The following TMEM132C variants were observed in gnomAD, a reference collection of about 807,000 sequenced individuals.
TMEM132C encodes the protein protein phosphatase 1, regulatory subunit 152.
In TMEM132C, 29 loss-of-function variants were observed where a neutral mutation model predicts 61.4. The observed-to-expected ratio is 0.47, with a 90% CI of 0.35 to 0.64. The LOEUF (loss-of-function observed/expected upper bound fraction) is 0.64, where lower values mean the gene tolerates loss of function less well. TMEM132C is among the 30% of genes least tolerant of loss of function. TMEM132C has a pLI of 0.00. For synonymous variants in TMEM132C, 656 were observed against 633.1 expected, an observed-to-expected ratio of 1.04 and a Z score of -0.54; for missense variants, 1,408 against 1,476.9, an observed-to-expected ratio of 0.95 and a Z score of 0.76.
intron 4 of TMEM132C, among the ~76,000 whole-genome samples, chr12:128,666,057 G>C (rs1312069681): frequency 8.4e-5 from 6 of 71,270 alleles, no homozygotes; most frequent in Non-Finnish European, 1.4e-4. Flanking sequence ...ACAAACACAG[G>C]CACTCATACA....
At chr12:128,582,846 C>T (rs1210911032) in intron 3 of TMEM132C, among the ~76,000 whole-genome samples, 1 of 152,138 alleles carries the variant, frequency 6.6e-6, no homozygotes, top group African/African-American at 2.4e-5. Context: ...AAAATCTTAG[C>T]TCACTGCAGC....
chr12:128,443,637 C>T (rs547947386), intron 2 of TMEM132C, among the ~76,000 whole-genome samples: 6 of 152,128 alleles, frequency 3.9e-5, no homozygotes, highest in Admixed American at 1.3e-4. Context: ...TAAAGTCTCT[C>T]TCTGGATGGC....
intron 1 of TMEM132C, among the ~76,000 whole-genome samples, chr12:128,272,867 T>TA (rs1376178968): frequency 1.3e-5 from 2 of 152,220 alleles, no homozygotes; most frequent in Non-Finnish European, 2.9e-5. Context: ...ATTTTCCTGT[T>TA]ACGATTTTTG....
At chr12:128,298,181 T>C (rs1871469563) in intron 1 of TMEM132C, among the ~76,000 whole-genome samples, 1 of 152,202 alleles carries the variant, frequency 6.6e-6, no homozygotes. Flanking sequence ...AATCATGTTA[T>C]TCCCTTGCTT....
chr12:128,475,046 G>A (rs181320402), intron 2 of TMEM132C, among the ~76,000 whole-genome samples: 10,975 of 152,182 alleles, frequency 0.072, 446 homozygotes, highest in Middle Eastern at 0.11. Context: ...AAGGGAACGA[G>A]GCAGGGACGT....
Position 128,691,663 on chromosome 12 carries a change from C to T in TMEM132C, c.1450-2166C>T, listed in dbSNP as rs533749349. ...ATTTATCCACCAGCCATTCACTTGT[C>T]CACCCATCCATTCATGTGTCTGTCC... On this transcript the variant is annotated intron_variant, in intron 5 of 8. Coordinates refer to ENST00000435159, the MANE Select transcript of TMEM132C (RefSeq NM_001136103.3). Among the ~76,000 whole-genome samples, 4 of 152,348 alleles carry T rather than the reference C, an allele frequency of 2.6e-5. No homozygotes were observed. In the South Asian group the frequency reaches 8.3e-4, roughly 32 times the overall value.
At chr12:128,336,403 A>C (rs1017885130) in intron 1 of TMEM132C, among the ~76,000 whole-genome samples, 25 of 152,192 alleles carry the variant, frequency 1.6e-4, no homozygotes, top group Admixed American at 1.3e-3. Context: ...CTGTATGCCC[A>C]TTTCCTAACA....
At chr12:128,566,107 C>T (rs1874689089) in intron 3 of TMEM132C, among the ~76,000 whole-genome samples, 1 of 149,988 alleles carries the variant, frequency 6.7e-6, no homozygotes, top group African/African-American at 2.5e-5. Flanking sequence ...CCAGGCTGGT[C>T]CTGAACTCCT....
intron 3 of TMEM132C, among the ~76,000 whole-genome samples, chr12:128,580,087 G>A (rs944241147): frequency 2.0e-5 from 3 of 152,160 alleles, no homozygotes; most frequent in African/African-American, 7.2e-5. Context: ...ACCTGGGTCA[G>A]ACAACGTAAT....
At chr12:128,548,499 G>A (rs1874042428) in intron 3 of TMEM132C, among the ~76,000 whole-genome samples, 1 of 152,182 alleles carries the variant, frequency 6.6e-6, no homozygotes, top group Non-Finnish European at 1.5e-5. Flanking sequence ...CAGTGTATCA[G>A]TCAGCTATGT....
At chr12:128,333,183 T>G (rs1226638118) in intron 1 of TMEM132C, among the ~76,000 whole-genome samples, 3 of 141,270 alleles carry the variant, frequency 2.1e-5, no homozygotes, top group Non-Finnish European at 4.5e-5. Flanking sequence ...TGTGTGGGAG[T>G]GTGTGTGTGT....
intron 3 of TMEM132C, among the ~76,000 whole-genome samples, chr12:128,571,629 G>C (rs1476096045): frequency 1.3e-5 from 2 of 152,116 alleles, no homozygotes; most frequent in Non-Finnish European, 2.9e-5. Context: ...TAAGCACCTC[G>C]TGTAAGAGGA....
intron 1 of TMEM132C, among the ~76,000 whole-genome samples, chr12:128,399,668 T>C (rs1565924561): frequency 6.6e-6 from 1 of 152,118 alleles, no homozygotes; most frequent in Non-Finnish European, 1.5e-5. Context: ...CTCCTATGCA[T>C]GAAACATGAC....
intron 2 of TMEM132C, among the ~76,000 whole-genome samples, chr12:128,437,295 T>C (rs936428209): frequency 2.0e-5 from 3 of 152,010 alleles, no homozygotes; most frequent in Non-Finnish European, 2.9e-5. Context: ...TAAAGTTTAA[T>C]AAAATAAATA....
intron 8 of TMEM132C, among the ~76,000 whole-genome samples, chr12:128,704,656 G>C (rs927974029): frequency 1.6e-4 from 24 of 152,258 alleles, no homozygotes; most frequent in African/African-American, 5.5e-4. Context: ...CATCAGGCTG[G>C]ATACAGACAA....
rs781538494 is a variant in TMEM132C at position 128,440,424 on chromosome 12, GC to G, written c.974+24807del. Among the ~76,000 whole-genome samples the G allele has an allele frequency of 5.3e-5, 8 of 152,186 alleles. No homozygotes were observed. The East Asian group carries it at 9.6e-4, about 18-fold the overall frequency. The stretch of plus-strand genomic sequence containing the variant: ...CAGAGCCAGGGTTAGGACCCACCAT[GC>G]CCAGAGTAATAGCCAAATCCCTCTG... On this transcript the variant is annotated intron_variant, in intron 2 of 8. Transcript: ENST00000435159.
intron 1 of TMEM132C, among the ~76,000 whole-genome samples, chr12:128,379,350 A>G (rs375033654): frequency 1.3e-5 from 2 of 152,242 alleles, no homozygotes; most frequent in Non-Finnish European, 2.9e-5. Context: ...CAATCAGCCC[A>G]CACAGTTTGG....
At chr12:128,382,543 C>A (rs1001805587) in intron 1 of TMEM132C, among the ~76,000 whole-genome samples, 1 of 152,176 alleles carries the variant, frequency 6.6e-6, no homozygotes, top group African/African-American at 2.4e-5. Flanking sequence ...AGCTCTAGGT[C>A]GTTCTTTTTA....
At chr12:128,644,943 G>A (rs940759886) in intron 4 of TMEM132C, among the ~76,000 whole-genome samples, 1 of 152,180 alleles carries the variant, frequency 6.6e-6, no homozygotes, top group African/African-American at 2.4e-5. Context: ...AGTGGCAGGT[G>A]CTGGGCTTTC....
Sources: allele counts gnomAD v4.1 joint callset (sites outside exome capture counted in the v4.1 genomes callset), GRCh38; gene constraint gnomAD v4.1.1; transcripts MANE v1.5; gene names NCBI Gene and HGNC (gene_info 2026-07-23, HGNC 2026-07-21).